Variants in CDH13 observed in about 807,000 individuals in gnomAD.
The protein encoded by CDH13 is cadherin 13.
CDH13 carries 24 observed loss-of-function variants against 63.8 expected under a neutral mutation model. The ratio of observed to expected loss-of-function variants is 0.38; its 90% confidence interval spans 0.27 to 0.53. The LOEUF is 0.53. Ranked by LOEUF, CDH13 falls within the 20% of genes least tolerant of loss-of-function variation. The pLI is 0.85. For synonymous variants in CDH13, 503 were observed against 355.3 expected (o/e 1.42, Z -4.67); for missense variants, 1,049 against 903.1 (o/e 1.16, Z -2.07).
intron 2 of CDH13, among the ~76,000 whole-genome samples, chr16:82,885,133 GAGATGGATACAA>G (rs1486231544): frequency 2.6e-5 from 4 of 152,214 alleles, no homozygotes; most frequent in Admixed American, 2.6e-4. Context: ...ACTTTTGCAA[GAGATGGATACAA>G]AGATGGATGC....
At chr16:83,010,155 A>AAAAAAAAAC (rs1913990885) in intron 2 of CDH13, among the ~76,000 whole-genome samples, 2 of 130,370 alleles carry the variant, frequency 1.5e-5, no homozygotes, top group Admixed American at 7.5e-5. Flanking sequence ...AAAAAAAAAA[A>AAAAAAAAAC]AAAAAAACAA....
At chr16:83,128,110 C>G (rs73604210) in intron 4 of CDH13, among the ~76,000 whole-genome samples, 4,012 of 152,302 alleles carry the variant, frequency 0.026, 169 homozygotes, top group African/African-American at 0.086. Flanking sequence ...TCAGCTCTCA[C>G]CATGCATCAG....
At chr16:82,978,944 G>A (rs568406608) in intron 2 of CDH13, among the ~76,000 whole-genome samples, 23 of 152,274 alleles carry the variant, frequency 1.5e-4, no homozygotes, top group East Asian at 5.8e-4. Flanking sequence ...GAAAGCAGCC[G>A]GGAGGGGGGT....
chr16:83,759,249 A>G (rs1159378775), intron 11 of CDH13, among the ~76,000 whole-genome samples: 1 of 152,222 alleles, frequency 6.6e-6, no homozygotes, highest in Non-Finnish European at 1.5e-5. Context: ...ACACATACCC[A>G]GTTTCTGATT....
At chr16:82,816,500 A>G (rs1281528645) in intron 1 of CDH13, among the ~76,000 whole-genome samples, 1 of 152,072 alleles carries the variant, frequency 6.6e-6, no homozygotes, top group Non-Finnish European at 1.5e-5. Flanking sequence ...TAACTTCCAT[A>G]GTGTGGGTGG....
At chr16:83,159,186 C>T (rs1355557181) in intron 4 of CDH13, among the ~76,000 whole-genome samples, 2 of 151,810 alleles carry the variant, frequency 1.3e-5, no homozygotes, top group African/African-American at 4.8e-5. Flanking sequence ...TAAAAATACC[C>T]TGGGGGAAAC....
intron 6 of CDH13, among the ~76,000 whole-genome samples, chr16:83,359,349 A>T (rs1291375486): frequency 1.3e-5 from 2 of 152,202 alleles, no homozygotes; most frequent in Non-Finnish European, 2.9e-5. Flanking sequence ...TTCTGTGAGC[A>T]AGTAGATATC....
At chr16:83,739,440 G>A (rs1911855170) in intron 10 of CDH13, among the ~76,000 whole-genome samples, 1 of 152,170 alleles carries the variant, frequency 6.6e-6, no homozygotes, top group Non-Finnish European at 1.5e-5. Context: ...TTTCTGTGCT[G>A]TTTTCCCTGC....
intron 7 of CDH13, among the ~76,000 whole-genome samples, chr16:83,576,807 C>A (rs2150714839): frequency 6.6e-6 from 1 of 152,268 alleles, no homozygotes; most frequent in East Asian, 1.9e-4. Context: ...TGTATATCTT[C>A]TTTGGAGAAA....
At chr16:83,025,313 A>T (rs1420712156) in intron 2 of CDH13, among the ~76,000 whole-genome samples, 1 of 152,202 alleles carries the variant, frequency 6.6e-6, no homozygotes, top group African/African-American at 2.4e-5. Context: ...TAATAAAGAC[A>T]TACCTGGGAC....
intron 6 of CDH13, among the ~76,000 whole-genome samples, chr16:83,479,196 A>G (rs2073693094): frequency 6.6e-6 from 1 of 152,020 alleles, no homozygotes; most frequent in South Asian, 2.1e-4. Flanking sequence ...ATTGTTTCCT[A>G]ACAAGATTTT....
At chr16:82,785,513 T>TG (rs1316570859) in intron 1 of CDH13, among the ~76,000 whole-genome samples, 1 of 152,152 alleles carries the variant, frequency 6.6e-6, no homozygotes, top group Non-Finnish European at 1.5e-5. Flanking sequence ...CTAATGCCGG[T>TG]GGAGAGAGGT....
chr16:82,713,225 C>G (rs75124967), intron 1 of CDH13, among the ~76,000 whole-genome samples: 35 of 152,218 alleles, frequency 2.3e-4, no homozygotes, highest in African/African-American at 7.9e-4. Flanking sequence ...CCAGCCTGGC[C>G]AAGACCTATC....
chr16:82,984,588 C>G lies in CDH13; in HGVS notation c.158-47422C>G, dbSNP rs148025301. On this transcript the variant is annotated intron_variant, in intron 2 of 13. Transcript: ENST00000567109. ...TTTTCAACTTGCTCTGTGCCAGTCA[C>G]TATTTCAACTCATGTATTAGCTCAT... Among the ~76,000 whole-genome samples, 6 of 152,276 alleles carry G rather than the reference C, an allele frequency of 3.9e-5. No homozygotes were observed. In the East Asian group the frequency reaches 1.2e-3, roughly 29 times the overall value.
At chr16:83,161,710 T>A (rs2037453654) in intron 4 of CDH13, among the ~76,000 whole-genome samples, 2 of 152,170 alleles carry the variant, frequency 1.3e-5, no homozygotes, top group African/African-American at 4.8e-5. Flanking sequence ...CTCTTTCTTA[T>A]CCACATTCTT....
At chr16:83,079,251 A>G (rs542021958) in intron 3 of CDH13, among the ~76,000 whole-genome samples, 2 of 152,320 alleles carry the variant, frequency 1.3e-5, no homozygotes, top group South Asian at 4.1e-4. Context: ...ATAAATTTGA[A>G]TGGCTTTAGA....
intron 2 of CDH13, among the ~76,000 whole-genome samples, chr16:82,948,333 C>T (rs1017861323): frequency 7.9e-5 from 12 of 152,126 alleles, no homozygotes; most frequent in Non-Finnish European, 1.6e-4. Flanking sequence ...ATACATTAAT[C>T]TCAGTCTAAA....
intron 5 of CDH13, among the ~76,000 whole-genome samples, chr16:83,318,392 C>G (rs899792162): frequency 2.0e-5 from 3 of 152,164 alleles, no homozygotes; most frequent in Non-Finnish European, 4.4e-5. Flanking sequence ...AAAGTCATTT[C>G]TACTGTTAAA....
intron 6 of CDH13, among the ~76,000 whole-genome samples, chr16:83,459,781 C>G (rs889769887): frequency 5.9e-5 from 9 of 152,166 alleles, no homozygotes; most frequent in Admixed American, 5.2e-4. Context: ...GATCTAGAAA[C>G]TACATACCAG....
Sources: gnomAD v4.1 joint callset for allele counts (sites outside exome capture counted in the v4.1 genomes callset) on GRCh38, gnomAD v4.1.1 for gene constraint, MANE v1.5 for transcripts, NCBI Gene and HGNC (gene_info 2026-07-23, HGNC 2026-07-21) for gene names.